PAK5: variants seen among roughly 807,000 people sequenced by gnomAD.
The protein encoded by PAK5 is serine/threonine-protein kinase PAK 5.
A neutral mutation model predicts 65.9 loss-of-function variants in PAK5; 16 were observed. The observed-to-expected ratio is 0.24, with a 90% CI of 0.16 to 0.37. The LOEUF is 0.37. PAK5 is among the 10% of genes least tolerant of loss of function. PAK5 has a pLI of 1.00. For missense variants in PAK5, 785 were observed against 903.9 expected (o/e 0.87, Z 1.69); for synonymous variants, 371 against 354.9 (o/e 1.05, Z -0.51).
At chr20:9,609,741 T>C (rs2046523568) in intron 3 of PAK5, among the ~76,000 whole-genome samples, 1 of 152,196 alleles carries the variant, frequency 6.6e-6, no homozygotes. Flanking sequence ...AATTTTCAAT[T>C]TTAGGAATTT....
Position 9,747,296 on chromosome 20 carries a change from G to A in PAK5, c.-161-35861C>T, listed in dbSNP as rs2048519722. 7.2e-5 allele frequency among the ~76,000 whole-genome samples: 11 copies of A among 152,032 alleles called. No individual in the cohort carries two copies. In the South Asian group the frequency reaches 1.5e-3, roughly 20 times the overall value. ...TACCATTCCTTCTGAAACTATTCCA[G>A]TCAATAGAAAAAGAGGGAATCCTCC... On this transcript the variant is annotated intron_variant, in intron 1 of 9. Coordinates refer to ENST00000353224, the MANE Select transcript of PAK5 (RefSeq NM_177990.4).
intron 1 of PAK5, among the ~76,000 whole-genome samples, chr20:9,814,073 T>C (rs2049328402): frequency 6.6e-6 from 1 of 152,108 alleles, no homozygotes; most frequent in Non-Finnish European, 1.5e-5. Context: ...GCCAGGTCCA[T>C]CAGGTTCTTG....
chr20:9,579,036 T>G (rs954657304), intron 4 of PAK5, among the ~76,000 whole-genome samples: 3 of 152,196 alleles, frequency 2.0e-5, no homozygotes, highest in Admixed American at 6.5e-5. Flanking sequence ...TTAAATGGCT[T>G]CTCTTCAACA....
At chr20:9,710,077 AG>A (rs568315723) in intron 2 of PAK5, among the ~76,000 whole-genome samples, 1 of 152,270 alleles carries the variant, frequency 6.6e-6, no homozygotes, top group South Asian at 2.1e-4. Flanking sequence ...CCAGTATAAA[AG>A]TTTTAGTGTT....
chr20:9,606,729 AAC>A (rs1209709600), intron 3 of PAK5, among the ~76,000 whole-genome samples: 1 of 152,224 alleles, frequency 6.6e-6, no homozygotes, highest in African/African-American at 2.4e-5. Context: ...GTGGGTCTAT[AAC>A]ATCGTGATTC....
chr20:9,602,996 A>T (rs982337557), intron 3 of PAK5, among the ~76,000 whole-genome samples: 2 of 152,240 alleles, frequency 1.3e-5, no homozygotes, highest in South Asian at 2.1e-4. Context: ...GGTGGCTTTG[A>T]TGTGAAAGCC....
chr20:9,585,698 T>C (rs989020866), intron 3 of PAK5, among the ~76,000 whole-genome samples: 2 of 152,220 alleles, frequency 1.3e-5, no homozygotes, highest in African/African-American at 2.4e-5. Flanking sequence ...AGTGATCCCC[T>C]TCCCCCTAGA....
chr20:9,796,441 G>A (rs1267749811), intron 1 of PAK5, among the ~76,000 whole-genome samples: 1 of 152,078 alleles, frequency 6.6e-6, no homozygotes, highest in Non-Finnish European at 1.5e-5. Flanking sequence ...CCAGGAAATT[G>A]GAAGACATGG....
intron 4 of PAK5, among the ~76,000 whole-genome samples, chr20:9,569,537 GA>G (rs1356865743): frequency 2.0e-5 from 3 of 152,166 alleles, no homozygotes; most frequent in Admixed American, 6.5e-5. Flanking sequence ...AGGTGTCCTG[GA>G]GCCAAGGGAG....
chr20:9,644,187 T>A lies in PAK5; in HGVS notation c.142A>T (p.Asn48Tyr). Residue 48 changes from asparagine (N) to tyrosine (Y), a missense_variant, in exon 3 of 10, where the codon AAC becomes TAC. This residue lies in a region of PAK5 where 71 missense variants were observed against 110.2 expected (regional missense o/e 0.64). Transcript: ENST00000353224. ...GGGTCCACCATAGGCTTTGGCCTGTTGGCCGTATCTGCTAACAGGCTGTGC... is the reference window on the plus strand; with the variant it reads ...GGGTCCACCATAGGCTTTGGCCTGTAGGCCGTATCTGCTAACAGGCTGTGC... ...QWHSLLADTA[N>Y]RPKPMVDPSC... 1 of 1,610,468 alleles carries A rather than the reference T, an allele frequency of 6.2e-7. No individual in the cohort carries two copies. Among genetic ancestry groups the A allele is most frequent in the Non-Finnish European group, 8.5e-7 (1 of 1,179,030 alleles).
chr20:9,581,742 C>A (rs979416524), intron 3 of PAK5, among the ~76,000 whole-genome samples: 1 of 152,086 alleles, frequency 6.6e-6, no homozygotes, highest in African/African-American at 2.4e-5. Flanking sequence ...TGAAAGACAT[C>A]GCAAACCACT....
chr20:9,822,025 A>G (rs2049427335), intron 1 of PAK5, among the ~76,000 whole-genome samples: 1 of 152,200 alleles, frequency 6.6e-6, no homozygotes, highest in South Asian at 2.1e-4. Flanking sequence ...GTGGTGGCTT[A>G]CGCCTATAAT....
chr20:9,759,699 C>T (rs943975112), intron 1 of PAK5, among the ~76,000 whole-genome samples: 2 of 152,132 alleles, frequency 1.3e-5, no homozygotes, highest in Admixed American at 1.3e-4. Context: ...TGGTCCCATG[C>T]ATGGGGCTTT....
intron 2 of PAK5, among the ~76,000 whole-genome samples, chr20:9,669,823 C>A (rs1212807703): frequency 6.6e-6 from 1 of 151,872 alleles, no homozygotes; most frequent in Non-Finnish European, 1.5e-5. Context: ...GCACAACGTG[C>A]AGGTTTGTTA....
intron 2 of PAK5, among the ~76,000 whole-genome samples, chr20:9,669,037 T>C (rs1600221264): frequency 1.3e-5 from 2 of 152,318 alleles, no homozygotes; most frequent in East Asian, 1.9e-4. Context: ...CTTGTGCTGA[T>C]TGTAGAATCA....
chr20:9,638,768 T>C (rs1211834197), intron 3 of PAK5, among the ~76,000 whole-genome samples: 1 of 151,880 alleles, frequency 6.6e-6, no homozygotes, highest in African/African-American at 2.4e-5. Context: ...AAGCCTGAGG[T>C]TCTAAACAGG....
At position 9,542,575 on chromosome 20, in the gene PAK5, C is replaced by T. The variant is rs1179178811; in HGVS notation, c.2004+11G>A. On this transcript the variant is annotated intron_variant, in intron 9 of 9. Coordinates refer to ENST00000353224, the MANE Select transcript of PAK5 (RefSeq NM_177990.4). Reference sequence around the variant, plus strand: ...CTATTCTGAACTTTAGCAACAGCTGCTGTTTCTCACCTTGTGTAGGTCCTT... The same window carrying T: ...CTATTCTGAACTTTAGCAACAGCTGTTGTTTCTCACCTTGTGTAGGTCCTT... The T allele has an allele frequency of 2.5e-6, 4 of 1,613,948 alleles. No individual in the cohort carries two copies. Among genetic ancestry groups the T allele is most frequent in the Non-Finnish European group, 2.5e-6 (3 of 1,179,938 alleles).
chr20:9,693,622 G>A (rs548075054), intron 2 of PAK5, among the ~76,000 whole-genome samples: 1 of 152,242 alleles, frequency 6.6e-6, no homozygotes, highest in East Asian at 1.9e-4. Flanking sequence ...TTTCAATGTA[G>A]TTCTGCAGAT....
At chr20:9,753,765 C>G (rs2123625012) in intron 1 of PAK5, among the ~76,000 whole-genome samples, 1 of 152,270 alleles carries the variant, frequency 6.6e-6, no homozygotes, top group East Asian at 1.9e-4. Context: ...CATCTGTAGA[C>G]TGTTGTATAA....
Sources: gnomAD v4.1 joint callset for allele counts (sites outside exome capture counted in the v4.1 genomes callset) on GRCh38, gnomAD v4.1.1 for gene constraint, gnomAD v4.1.1 regional missense constraint, MANE v1.5 for transcripts, NCBI Gene and HGNC (gene_info 2026-07-23, HGNC 2026-07-21) for gene names.